The following CFAP299 variants were observed in gnomAD, a reference collection of about 807,000 sequenced individuals.
CFAP299 encodes the protein cilia and flagella associated protein 299.
A neutral mutation model predicts 27.0 loss-of-function variants in CFAP299; 21 were observed. The ratio of observed to expected loss-of-function variants is 0.78; its 90% CI spans 0.55 to 1.12. The LOEUF is 1.12. Among genes scored for constraint, CFAP299 ranks in the 50% most tolerant of loss-of-function variants. The probability of loss-of-function intolerance (pLI) is 0.00; values close to 1 mark genes in which losing one functional copy is unlikely to be tolerated. For synonymous variants in CFAP299, 104 were observed against 98.1 expected (o/e 1.06, Z -0.36); for missense variants, 310 against 276.6 (o/e 1.12, Z -0.86).
At chr4:80,879,074 A>G (rs1164158993) in intron 4 of CFAP299, among the ~76,000 whole-genome samples, 3 of 152,162 alleles carry the variant, frequency 2.0e-5, no homozygotes, top group Non-Finnish European at 4.4e-5. Flanking sequence ...AGGATGCACC[A>G]TGATCATTAT....
chr4:80,529,277 G>A lies in CFAP299; in HGVS notation c.243-53816G>A, dbSNP rs566581254. Among the ~76,000 whole-genome samples, 128 of 151,834 alleles carry A rather than the reference G, an allele frequency of 8.4e-4. 1 individual carries two copies. The highest frequency in any genetic ancestry group is 3.0e-3 in the African/African-American group (125 of 41,404). ...ATAGGCTCTCTTCCAATCCTTTCCT[G>A]GCAATAAATATGACTTATCTTTTTG... On this transcript the variant is annotated intron_variant, in intron 2 of 5. Coordinates refer to ENST00000358105, the MANE Select transcript of CFAP299 (RefSeq NM_152770.3).
At chr4:80,418,388 ATAT>A (rs1484316243) in intron 2 of CFAP299, among the ~76,000 whole-genome samples, 2 of 152,216 alleles carry the variant, frequency 1.3e-5, no homozygotes, top group African/African-American at 2.4e-5. Flanking sequence ...ACAGTTGTAT[ATAT>A]TTATAGGATA....
intron 3 of CFAP299, among the ~76,000 whole-genome samples, chr4:80,802,985 G>A (rs1728688357): frequency 6.6e-6 from 1 of 151,962 alleles, no homozygotes; most frequent in African/African-American, 2.4e-5. Context: ...TTCAAAAGTA[G>A]GGTTAAACAT....
chr4:80,468,955 T>C (rs1438342099), intron 2 of CFAP299, among the ~76,000 whole-genome samples: 1 of 151,976 alleles, frequency 6.6e-6, no homozygotes, highest in East Asian at 1.9e-4. Context: ...TCCTGGCTCC[T>C]CCTCTTTCAT....
chr4:80,463,609 T>A (rs1304375190), intron 2 of CFAP299, among the ~76,000 whole-genome samples: 1 of 152,194 alleles, frequency 6.6e-6, no homozygotes, highest in Non-Finnish European at 1.5e-5. Context: ...ACCTTCTTCC[T>A]GGCTTGTAGA....
chr4:80,607,003 G>A (rs925169903), intron 3 of CFAP299, among the ~76,000 whole-genome samples: 2 of 152,154 alleles, frequency 1.3e-5, no homozygotes, highest in African/African-American at 2.4e-5. Context: ...TTTGCAGAAG[G>A]AAGGAAGGGA....
chr4:80,846,734 G>T (rs1408897510), intron 3 of CFAP299, among the ~76,000 whole-genome samples: 1 of 152,066 alleles, frequency 6.6e-6, no homozygotes, highest in African/African-American at 2.4e-5. Flanking sequence ...ATCCTCTGTT[G>T]TTTGTCTCAG....
chr4:80,687,368 G>GATCC (rs1346130960), intron 3 of CFAP299, among the ~76,000 whole-genome samples: 1 of 152,036 alleles, frequency 6.6e-6, no homozygotes, highest in Non-Finnish European at 1.5e-5. Context: ...CTTTGTAAAT[G>GATCC]ATCCATCTTA....
intron 3 of CFAP299, among the ~76,000 whole-genome samples, chr4:80,790,967 G>A (rs936604239): frequency 1.3e-5 from 2 of 151,860 alleles, no homozygotes; most frequent in Non-Finnish European, 2.9e-5. Flanking sequence ...GTTAAACACT[G>A]GACTACATAA....
chr4:80,626,690 C>A lies in CFAP299; in HGVS notation c.333+43507C>A, dbSNP rs148292423. ...CAGGAAAAGGAGATATTACAATTGA[C>A]ACAACAGAAATTCAAAGGGCCATAA... On this transcript the variant is annotated intron_variant, in intron 3 of 5. Coordinates refer to ENST00000358105, the MANE Select transcript of CFAP299 (RefSeq NM_152770.3). Among the ~76,000 whole-genome samples, 1,016 of 151,618 alleles carry A rather than the reference C, an allele frequency of 6.7e-3. 12 individuals are homozygous for A. The highest frequency in any genetic ancestry group is 0.023 in the African/African-American group (966 of 41,444).
At chr4:80,512,193 G>T (rs1732339483) in intron 2 of CFAP299, among the ~76,000 whole-genome samples, 1 of 151,430 alleles carries the variant, frequency 6.6e-6, no homozygotes, top group African/African-American at 2.4e-5. Context: ...TTTTAGGTTG[G>T]TAGTGATGGC....
intron 2 of CFAP299, among the ~76,000 whole-genome samples, chr4:80,389,899 T>C (rs1024952338): frequency 1.3e-5 from 2 of 152,176 alleles, no homozygotes; most frequent in Non-Finnish European, 2.9e-5. Flanking sequence ...AGAGCTGGAA[T>C]TGAAATTGAA....
chr4:80,575,895 A>C (rs553906303), intron 2 of CFAP299, among the ~76,000 whole-genome samples: 15 of 152,178 alleles, frequency 9.9e-5, no homozygotes, highest in African/African-American at 3.6e-4. Flanking sequence ...AGGGACACGG[A>C]TGAAGCTGGA....
intron 5 of CFAP299, among the ~76,000 whole-genome samples, chr4:80,951,221 G>A (rs1737759483): frequency 6.6e-6 from 1 of 152,120 alleles, no homozygotes; most frequent in Non-Finnish European, 1.5e-5. Flanking sequence ...TAAAAGACAT[G>A]TGAAAAGATC....
intron 2 of CFAP299, among the ~76,000 whole-genome samples, chr4:80,537,740 T>C (rs1228267889): frequency 6.6e-6 from 1 of 152,044 alleles, no homozygotes; most frequent in East Asian, 1.9e-4. Context: ...GATGAATAAA[T>C]TGTGGAGATC....
chr4:80,592,340 C>G lies in CFAP299; in HGVS notation c.333+9157C>G, dbSNP rs534108664. ...AAGTATATCCATGAGACTATTTGAC[C>G]CTTGATGCAAAATGATAGTACTATT... On this transcript the variant is annotated intron_variant, in intron 3 of 5. Coordinates refer to ENST00000358105, the MANE Select transcript of CFAP299 (RefSeq NM_152770.3). 2.0e-5 allele frequency among the ~76,000 whole-genome samples: 3 copies of G among 152,130 alleles called. No homozygotes were observed. The Middle Eastern group carries it at 0.01, about 517-fold the overall frequency.
intron 2 of CFAP299, among the ~76,000 whole-genome samples, chr4:80,548,147 C>T (rs1237250424): frequency 1.3e-5 from 2 of 151,770 alleles, no homozygotes; most frequent in African/African-American, 2.4e-5. Flanking sequence ...AATGGTGAAC[C>T]AGATAAAGAA....
At chr4:80,387,585 C>G in intron 2 of CFAP299, 1 of 1,136,202 alleles carries the variant, frequency 8.8e-7, no homozygotes, top group Non-Finnish European at 1.3e-6. Flanking sequence ...GGGCCAAGAC[C>G]TGTACAGTCA....
intron 2 of CFAP299, among the ~76,000 whole-genome samples, chr4:80,453,651 G>T (rs1198846693): frequency 6.6e-6 from 1 of 151,700 alleles, no homozygotes; most frequent in African/African-American, 2.4e-5. Context: ...GACCAGCCTG[G>T]CCAACATGGT....
Sources: allele counts gnomAD v4.1 joint callset (sites outside exome capture counted in the v4.1 genomes callset), GRCh38; gene constraint gnomAD v4.1.1; transcripts MANE v1.5; gene names NCBI Gene and HGNC (gene_info 2026-07-23, HGNC 2026-07-21).